Variants in NMBR observed in about 807,000 individuals in gnomAD.
NMBR encodes neuromedin-B receptor.
NMBR carries 16 observed loss-of-function variants against 20.5 expected under a neutral mutation model. The observed-to-expected ratio is 0.78, with a 90% CI of 0.53 to 1.19. The LOEUF is 1.19. Ranked by LOEUF, NMBR falls within the 50% of genes most tolerant of loss-of-function variation. The pLI is 0.00. For missense variants in NMBR, 582 were observed against 499.1 expected, an observed-to-expected ratio of 1.17 and a Z score of -1.58; for synonymous variants, 212 against 196.6, an observed-to-expected ratio of 1.08 and a Z score of -0.65.
At chr6:142,124,252 C>T (rs1263622191) in intron 1 of NMBR, among the ~76,000 whole-genome samples, 1 of 151,870 alleles carries the variant, frequency 6.6e-6, no homozygotes, top group Non-Finnish European at 1.5e-5. Flanking sequence ...TTTTTTATTA[C>T]AAGGTATGTA....
At chr6:142,145,517 G>A (rs73581604) in intron 1 of NMBR, among the ~76,000 whole-genome samples, 2 of 152,124 alleles carry the variant, frequency 1.3e-5, no homozygotes, top group East Asian at 3.8e-4. Flanking sequence ...TCCTCATAGG[G>A]TTGTGGTGCA....
intron 1 of NMBR, among the ~76,000 whole-genome samples, chr6:142,099,869 T>TA (rs1448483978): frequency 6.6e-6 from 1 of 151,712 alleles, no homozygotes; most frequent in African/African-American, 2.4e-5. Flanking sequence ...AATTCATCAG[T>TA]AAAAAAATAA....
chr6:142,128,891 T>C (rs1294028720), intron 1 of NMBR, among the ~76,000 whole-genome samples: 1 of 150,786 alleles, frequency 6.6e-6, no homozygotes, highest in Non-Finnish European at 1.5e-5. Flanking sequence ...TTTGGCAGTG[T>C]TCCTCTTCAA....
Position 142,078,825 on chromosome 6 carries a change from G to C in NMBR, c.501C>G (p.Ile167Met), listed in dbSNP as rs1398436063. Residue 167 changes from isoleucine (I) to methionine (M), a missense_variant, in exon 3 of 4, where the codon ATC (isoleucine) becomes ATG (methionine). Transcript: ENST00000258042. ...LLRTCVKAMG[I>M]WVVSVLLAVP... Reference sequence around the variant, plus strand: ...CTGCCAGCAACACGGAGACCACCCAGATACCCATGGCCTTCACACAGGTCC... The same window carrying C: ...CTGCCAGCAACACGGAGACCACCCACATACCCATGGCCTTCACACAGGTCC... 1 of 1,613,944 alleles carries C rather than the reference G, an allele frequency of 6.2e-7. No homozygotes were observed. Among genetic ancestry groups the C allele is most frequent in the Non-Finnish European group, 8.5e-7 (1 of 1,180,002 alleles).
At chr6:142,104,425 C>T (rs936570861) in intron 1 of NMBR, among the ~76,000 whole-genome samples, 5 of 152,152 alleles carry the variant, frequency 3.3e-5, no homozygotes, top group African/African-American at 7.2e-5. Context: ...CGGCTTCTCT[C>T]GCCTTTGGAT....
chr6:142,146,730 T>A (rs935897179), intron 1 of NMBR, among the ~76,000 whole-genome samples: 6 of 152,248 alleles, frequency 3.9e-5, no homozygotes, highest in African/African-American at 1.4e-4. Context: ...CGAAATCTGA[T>A]TATTTTATCC....
intron 1 of NMBR, among the ~76,000 whole-genome samples, chr6:142,103,005 T>C (rs1777593483): frequency 6.6e-6 from 1 of 152,182 alleles, no homozygotes; most frequent in South Asian, 2.1e-4. Flanking sequence ...GGGGAGGAAC[T>C]TCCTTGGTTA....
intron 1 of NMBR, among the ~76,000 whole-genome samples, chr6:142,113,453 G>A (rs1183850481): frequency 2.0e-5 from 3 of 151,986 alleles, no homozygotes; most frequent in Non-Finnish European, 4.4e-5. Context: ...TTCAACTGTT[G>A]GTGAGGTTTA....
At chr6:142,132,984 A>T (rs936108890) in intron 1 of NMBR, 1 of 426,976 alleles carries the variant, frequency 2.3e-6, no homozygotes, top group Non-Finnish European at 4.2e-6. Context: ...AGGAAGGTTG[A>T]ATGGGGCCCC....
intron 1 of NMBR, among the ~76,000 whole-genome samples, chr6:142,132,770 A>G (rs225606): frequency 0.35 from 53,644 of 151,996 alleles, 10,729 homozygotes; most frequent in Middle Eastern, 0.52. Flanking sequence ...TAAAGAGCCC[A>G]CTAATTTAGA....
intron 1 of NMBR, chr6:142,135,041 T>C (rs1778227084): frequency 2.2e-6 from 1 of 446,434 alleles, no homozygotes; most frequent in East Asian, 3.4e-5. Context: ...TTTTGTCTAC[T>C]ATAAAATATA....
At chr6:142,116,226 G>A (rs1777852407) in intron 1 of NMBR, among the ~76,000 whole-genome samples, 1 of 151,684 alleles carries the variant, frequency 6.6e-6, no homozygotes, top group Admixed American at 6.6e-5. Flanking sequence ...CATGACAATG[G>A]ACTAAAACAA....
At chr6:142,096,689 T>G (rs927668525) in intron 1 of NMBR, among the ~76,000 whole-genome samples, 1 of 152,150 alleles carries the variant, frequency 6.6e-6, no homozygotes, top group African/African-American at 2.4e-5. Flanking sequence ...CTATTAGGTC[T>G]GCTTGGTGCA....
intron 1 of NMBR, among the ~76,000 whole-genome samples, chr6:142,092,314 T>C (rs1361521003): frequency 6.6e-6 from 1 of 152,002 alleles, no homozygotes; most frequent in Non-Finnish European, 1.5e-5. Context: ...TTGCAACAAA[T>C]AAAAACTTAG....
chr6:142,110,827 G>A lies in NMBR; in HGVS notation c.-663-21506C>T, dbSNP rs77974688. The stretch of plus-strand genomic sequence containing the variant: ...GCTTTTCATCTTAACTGCCAAATTC[G>A]TTTATAGAAAATCTATGAGAACCCC... On this transcript the variant is annotated intron_variant, in intron 1 of 3. Transcript: ENST00000258042. 3.7e-3 allele frequency among the ~76,000 whole-genome samples: 566 copies of A among 152,228 alleles called. 2 individuals are homozygous for A. The highest frequency in any genetic ancestry group is 0.013 in the African/African-American group (539 of 41,554).
chr6:142,118,627 C>G (rs1467309727), intron 1 of NMBR, among the ~76,000 whole-genome samples: 5 of 151,990 alleles, frequency 3.3e-5, no homozygotes, highest in Non-Finnish European at 7.4e-5. Context: ...TATTTAGGAA[C>G]ACATGTATTA....
At chr6:142,076,445 G>T (rs1294142416) in intron 3 of NMBR, among the ~76,000 whole-genome samples, 1 of 151,966 alleles carries the variant, frequency 6.6e-6, no homozygotes, top group Non-Finnish European at 1.5e-5. Flanking sequence ...AAAAATCAGG[G>T]TGTTTTAAAT....
chr6:142,146,766 T>C (rs1194987785), intron 1 of NMBR, among the ~76,000 whole-genome samples: 1 of 152,208 alleles, frequency 6.6e-6, no homozygotes, highest in East Asian at 1.9e-4. Flanking sequence ...AAAAATTTAA[T>C]TTACAATTTA....
intron 2 of NMBR, among the ~76,000 whole-genome samples, chr6:142,083,459 T>A (rs979051266): frequency 6.6e-6 from 1 of 152,154 alleles, no homozygotes; most frequent in East Asian, 1.9e-4. Context: ...GTTGTTTGTA[T>A]CCTTATTTTT....
Sources: allele counts gnomAD v4.1 joint callset (sites outside exome capture counted in the v4.1 genomes callset), GRCh38; gene constraint gnomAD v4.1.1; transcripts MANE v1.5; gene names NCBI Gene and HGNC (gene_info 2026-07-23, HGNC 2026-07-21).